Variants in IKBKE observed in about 807,000 individuals in gnomAD.
IKBKE encodes the protein inhibitor of nuclear factor kappa-B kinase subunit epsilon.
Under a neutral mutation model 92.1 loss-of-function variants are expected in IKBKE, and 45 were observed. That is an observed-to-expected ratio of 0.49 (90% CI 0.38 to 0.63). The LOEUF (loss-of-function observed/expected upper bound fraction) is 0.63, where lower values mean the gene tolerates loss of function less well. Among genes scored for constraint, IKBKE ranks in the 20% least tolerant of loss-of-function variants. The probability of loss-of-function intolerance (pLI) is 0.00; values close to 1 mark genes in which losing one functional copy is unlikely to be tolerated. For missense variants in IKBKE, 700 were observed against 932.8 expected (o/e 0.75, Z 3.25); for synonymous variants, 374 against 380.3 (o/e 0.98, Z 0.19).
At chr1:206,472,589 A>T (rs6673596) in intron 2 of IKBKE, among the ~76,000 whole-genome samples, 50,044 of 104,926 alleles carry the variant, frequency 0.48, 8,668 homozygotes, top group Middle Eastern at 0.55. Context: ...ACACACTCTC[A>T]CACACACACA....
chr1:206,489,955 G>A (rs1665864060), intron 16 of IKBKE, among the ~76,000 whole-genome samples: 1 of 152,226 alleles, frequency 6.6e-6, no homozygotes, highest in Non-Finnish European at 1.5e-5. Flanking sequence ...TAAAATGCCC[G>A]GTGGTCTTCA....
chr1:206,475,322 G>C (rs1464836162), intron 5 of IKBKE, among the ~76,000 whole-genome samples: 1 of 152,200 alleles, frequency 6.6e-6, no homozygotes, highest in Non-Finnish European at 1.5e-5. Context: ...GCCAGACACA[G>C]AAGGACAAAT....
intron 13 of IKBKE, among the ~76,000 whole-genome samples, chr1:206,482,165 C>T (rs913792017): frequency 7.9e-5 from 12 of 151,802 alleles, no homozygotes; most frequent in African/African-American, 2.4e-4. Context: ...GGGCCCTGTT[C>T]GGGGGAAAGG....
In IKBKE at chr1:206,490,814, T is replaced by C. The variant is rs782234075; in HGVS notation, c.1694-5T>C. ...GGTGACATCTGTTCTGTCTGTTTCC[T>C]CCAGGGCTTGGCTACAACGAGGAGC... is the stretch of plus-strand genomic sequence containing the variant. On this transcript the variant is annotated splice_region_variant and splice_polypyrimidine_tract_variant and intron_variant, in intron 16 of 21. Transcript: ENST00000581977. This position sits in a 1 kb window ranked among gnomAD's most constrained non-coding sequence, Gnocchi z 5.2. 1 of 1,614,140 alleles carries C rather than the reference T, an allele frequency of 6.2e-7. No individual in the cohort carries two copies. Among genetic ancestry groups the C allele is most frequent in the Non-Finnish European group, 8.5e-7 (1 of 1,179,964 alleles).
At chr1:206,489,400 T>TATATATAC (rs879950187) in intron 16 of IKBKE, among the ~76,000 whole-genome samples, 1 of 110,602 alleles carries the variant, frequency 9.0e-6, no homozygotes, top group African/African-American at 3.3e-5. Context: ...TATATATATA[T>TATATATAC]ACACACACAC....
intron 5 of IKBKE, among the ~76,000 whole-genome samples, chr1:206,475,332 T>A (rs1289372739): frequency 5.3e-5 from 8 of 152,266 alleles, no homozygotes; most frequent in African/African-American, 1.7e-4. Context: ...GAAGGACAAA[T>A]CCTGTATGAT....
intron 16 of IKBKE, among the ~76,000 whole-genome samples, chr1:206,489,357 G>A (rs1665819818): frequency 3.8e-5 from 1 of 26,378 alleles, no homozygotes; most frequent in South Asian, 1.1e-3. Context: ...GTGTGTGTGT[G>A]TGTGTGTGTG....
intron 16 of IKBKE, among the ~76,000 whole-genome samples, chr1:206,488,911 C>T (rs546947743): frequency 2.0e-5 from 3 of 151,988 alleles, no homozygotes; most frequent in Non-Finnish European, 4.4e-5. Flanking sequence ...GTCATTTTAG[C>T]GTGTAATCAA....
rs1288759061 is a variant in IKBKE at position 206,487,906 on chromosome 1, G to A, written c.1617-8G>A. The A allele has an allele frequency of 1.2e-6, 2 of 1,611,696 alleles. No individual in the cohort carries two copies. Among genetic ancestry groups the A allele is most frequent in the African/African-American group, 1.3e-5 (1 of 74,802 alleles). On this transcript the variant is annotated splice_polypyrimidine_tract_variant and splice_region_variant and intron_variant, in intron 15 of 21. Coordinates refer to ENST00000581977, the MANE Select transcript of IKBKE (RefSeq NM_014002.4). This position sits in a 1 kb window ranked among gnomAD's most constrained non-coding sequence, Gnocchi z 5.3. ...TTCCAACACCTGGTCCCTGTCTCCTGCCCACAGCATCCAGCAGATTCAGTG... is the reference window on the plus strand; with the variant it reads ...TTCCAACACCTGGTCCCTGTCTCCTACCCACAGCATCCAGCAGATTCAGTG...
intron 2 of IKBKE, among the ~76,000 whole-genome samples, chr1:206,472,372 T>G (rs1015071558): frequency 2.6e-5 from 4 of 151,838 alleles, no homozygotes; most frequent in African/African-American, 9.7e-5. Context: ...AGAAATTGAG[T>G]TTAACTTCTG....
chr1:206,476,434 C>G lies in IKBKE; in HGVS notation c.540+72C>G. The G allele has an allele frequency of 6.0e-6, 9 of 1,493,576 alleles. No individual in the cohort carries two copies. Among genetic ancestry groups the G allele is most frequent in the Non-Finnish European group, 7.3e-6 (8 of 1,093,364 alleles). The allele number at this position is 1,493,576 out of a possible 1,614,324, so 92.5% of individuals were successfully genotyped here. A position where few individuals can be genotyped will look rare whatever the true frequency, so the allele number is the denominator to read the frequency against. On this transcript the variant is annotated intron_variant, in intron 6 of 21. Coordinates refer to ENST00000581977, the MANE Select transcript of IKBKE (RefSeq NM_014002.4). This position sits in a 1 kb window ranked among gnomAD's most constrained non-coding sequence, Gnocchi z 5.1. ...TTGCCTTGTGAGCCCCCCAGAGCCCCCATGAGGGGGTGTGGCCCACCTCCT... is the reference window on the plus strand; with the variant it reads ...TTGCCTTGTGAGCCCCCCAGAGCCCGCATGAGGGGGTGTGGCCCACCTCCT...
chr1:206,476,671 C>G lies in IKBKE; in HGVS notation c.541-7C>G, dbSNP rs782413358. 6.2e-7 allele frequency: 1 copy of G among 1,614,028 alleles called. No homozygotes were observed. The highest frequency in any genetic ancestry group is 1.3e-5 in the African/African-American group (1 of 74,952). On this transcript the variant is annotated splice_polypyrimidine_tract_variant and splice_region_variant and intron_variant, in intron 6 of 21. Transcript: ENST00000581977. The surrounding 1 kb of genome is among the most constrained non-coding windows in gnomAD (Gnocchi z 5.1). Reference sequence around the variant, plus strand: ...CTCCATGGCCTCATTCTGGTTCTCTCCGGCAGCATCCCGACATGTATGAGC... The same window carrying G: ...CTCCATGGCCTCATTCTGGTTCTCTGCGGCAGCATCCCGACATGTATGAGC...
At chr1:206,494,530 G>T (rs1553391606) in intron 21 of IKBKE, among the ~76,000 whole-genome samples, 2 of 150,986 alleles carry the variant, frequency 1.3e-5, no homozygotes, top group Non-Finnish European at 2.9e-5. Flanking sequence ...AGAGGTTGGT[G>T]TGGGAACGCA....
intron 16 of IKBKE, among the ~76,000 whole-genome samples, chr1:206,489,674 A>T (rs1306199355): frequency 6.6e-6 from 1 of 152,084 alleles, no homozygotes; most frequent in Non-Finnish European, 1.5e-5. Flanking sequence ...ACACCACTGC[A>T]GCACTCCAGC....
rs1336752629 is a variant in IKBKE at position 206,476,501 on chromosome 1, A to G, written c.540+139A>G. The G allele has an allele frequency of 3.6e-6, 4 of 1,117,064 alleles. No homozygotes were observed. The highest frequency in any genetic ancestry group is 5.2e-6 in the Non-Finnish European group (4 of 770,764). 69.2% of individuals were successfully genotyped at this position (1,117,064 alleles called of 1,614,324 possible). On this transcript the variant is annotated intron_variant, in intron 6 of 21. Transcript: ENST00000581977. This position sits in a 1 kb window ranked among gnomAD's most constrained non-coding sequence, Gnocchi z 5.1. ...TGTCTCTCCCCTGTACCCCAACCAGAAGAATGCATTCTGTTCTCTAAGATG... is the reference window on the plus strand; with the variant it reads ...TGTCTCTCCCCTGTACCCCAACCAGGAGAATGCATTCTGTTCTCTAAGATG...
intron 21 of IKBKE, 67 bp from the exon 22 acceptor site, chr1:206,496,045 G>T (rs1193545157): frequency 1.6e-6 from 2 of 1,236,252 alleles, no homozygotes; most frequent in African/African-American, 2.9e-5. Context: ...ATTGTGCTGG[G>T]CCCTGGAGTG....
intron 5 of IKBKE, among the ~76,000 whole-genome samples, chr1:206,475,560 C>A (rs1408849776): frequency 1.3e-5 from 2 of 151,998 alleles, no homozygotes; most frequent in Non-Finnish European, 2.9e-5. Context: ...CACGGTGAAA[C>A]CCTGTCTCTA....
At chr1:206,475,737 C>CAAAAA (rs535787711) in intron 5 of IKBKE, among the ~76,000 whole-genome samples, 1 of 92,742 alleles carries the variant, frequency 1.1e-5, no homozygotes, top group Admixed American at 1.1e-4. Context: ...ACTCTGTCTC[C>CAAAAA]AAAAAAAAAA....
At chr1:206,472,923 A>T in intron 2 of IKBKE, 2 of 414,190 alleles carry the variant, frequency 4.8e-6, no homozygotes, top group Non-Finnish European at 8.7e-6. Context: ...GAGGGGCTTC[A>T]AGGGAACGTG....
Sources: allele counts gnomAD v4.1 joint callset (sites outside exome capture counted in the v4.1 genomes callset), GRCh38; gene constraint gnomAD v4.1.1; non-coding constraint Gnocchi (gnomAD v3.1); transcripts MANE v1.5; gene names NCBI Gene and HGNC (gene_info 2026-07-23, HGNC 2026-07-21).